Variants in PIBF1 observed in about 807,000 individuals in gnomAD.
PIBF1 encodes progesterone immunomodulatory binding factor 1.
In PIBF1, 90 loss-of-function variants were observed where a neutral mutation model predicts 112.5. That is an observed-to-expected ratio of 0.80 (90% CI 0.67 to 0.95). The LOEUF is 0.95. Ranked by LOEUF, PIBF1 falls within the 40% of genes least tolerant of loss-of-function variation. The probability of loss-of-function intolerance (pLI) is 0.00; values close to 1 mark genes in which losing one functional copy is unlikely to be tolerated. For synonymous variants in PIBF1, 301 were observed against 288.6 expected, an observed-to-expected ratio of 1.04 and a Z score of -0.44; for missense variants, 915 against 852.3, an observed-to-expected ratio of 1.07 and a Z score of -0.92.
intron 13 of PIBF1, among the ~76,000 whole-genome samples, chr13:72,921,631 A>C (rs2041296202): frequency 6.6e-6 from 1 of 152,120 alleles, no homozygotes; most frequent in East Asian, 1.9e-4. Context: ...CCAAAACGTT[A>C]ATTTTTAGTA....
At chr13:72,812,984 T>G (rs1298900686) in intron 5 of PIBF1, among the ~76,000 whole-genome samples, 1 of 151,750 alleles carries the variant, frequency 6.6e-6, no homozygotes, top group Non-Finnish European at 1.5e-5. Flanking sequence ...AAGAAAGAAA[T>G]AGCCATCAAC....
intron 13 of PIBF1, among the ~76,000 whole-genome samples, chr13:72,922,135 A>AATTTTTTTATTTTTT (rs2041319592): frequency 6.6e-6 from 1 of 151,768 alleles, no homozygotes; most frequent in African/African-American, 2.4e-5. Flanking sequence ...GTACCTGGCT[A>AATTTTTTTATTTTTT]ATTTTTTTAT....
At chr13:72,934,592 T>G (rs2186158) in intron 14 of PIBF1, among the ~76,000 whole-genome samples, 33,012 of 152,120 alleles carry the variant, frequency 0.22, 3,682 homozygotes, top group Middle Eastern at 0.27. Flanking sequence ...GATGAAATAC[T>G]GATAACTAAT....
At chr13:72,796,540 G>T (rs1197382806) in intron 4 of PIBF1, among the ~76,000 whole-genome samples, 1 of 151,982 alleles carries the variant, frequency 6.6e-6, no homozygotes, top group African/African-American at 2.4e-5. Context: ...ACATAAAAAT[G>T]TTGTCTATTG....
chr13:73,008,989 A>G (rs1372899104), intron 17 of PIBF1, among the ~76,000 whole-genome samples: 3 of 152,174 alleles, frequency 2.0e-5, no homozygotes, highest in Non-Finnish European at 4.4e-5. Context: ...GCCTGGAGAT[A>G]ACTATTTCAG....
Position 72,987,837 on chromosome 13 carries a change from AATTTATTTATTTATTT to A in PIBF1, c.2050-10976_2050-10961del, listed in dbSNP as rs1228971710. Reference sequence around the variant, plus strand: ...TTCTTGAGTTTTTTTTATTTTTTGTAATTTATTTATTTATTTATTTATTTTTTTTTTTTTTTTTTTT... The same window carrying A: ...TTCTTGAGTTTTTTTTATTTTTTGTAATTTATTTTTTTTTTTTTTTTTTTT... On this transcript the variant is annotated intron_variant, in intron 16 of 17. Transcript: ENST00000326291. 7.2e-3 allele frequency among the ~76,000 whole-genome samples: 730 copies of A among 101,760 alleles called. 22 individuals carry two copies. Among genetic ancestry groups the A allele is most frequent in the Middle Eastern group, 0.013 (2 of 156 alleles). 66.8% of individuals were successfully genotyped at this position (101,760 alleles called of 152,430 possible).
intron 5 of PIBF1, among the ~76,000 whole-genome samples, chr13:72,817,581 C>A (rs1388410428): frequency 1.3e-5 from 2 of 152,112 alleles, no homozygotes; most frequent in African/African-American, 4.8e-5. Context: ...TTAGAGTTTT[C>A]CTTATGATGT....
At chr13:72,878,993 A>G (rs922544536) in intron 10 of PIBF1, among the ~76,000 whole-genome samples, 2 of 152,110 alleles carry the variant, frequency 1.3e-5, no homozygotes, top group Non-Finnish European at 2.9e-5. Context: ...ATCTGTATGT[A>G]TCTTTATATT....
At chr13:72,980,196 A>G (rs1456784112) in intron 16 of PIBF1, among the ~76,000 whole-genome samples, 4 of 152,234 alleles carry the variant, frequency 2.6e-5, no homozygotes, top group African/African-American at 7.2e-5. Flanking sequence ...GAAAGTCACA[A>G]CATAAAGATG....
At chr13:72,904,344 A>T (rs995193944) in intron 11 of PIBF1, among the ~76,000 whole-genome samples, 2 of 151,598 alleles carry the variant, frequency 1.3e-5, no homozygotes, top group African/African-American at 4.8e-5. Flanking sequence ...GTTACAGGAT[A>T]AATATCATAA....
intron 2 of PIBF1, among the ~76,000 whole-genome samples, chr13:72,784,753 A>G (rs925262489): frequency 3.3e-5 from 5 of 152,132 alleles, no homozygotes; most frequent in South Asian, 2.1e-4. Flanking sequence ...GTGAGACCCT[A>G]TCTCAAAAAA....
In PIBF1 at chr13:72,795,673, G is replaced by A. The variant is rs534953086; in HGVS notation, c.552+116G>A. The A allele has an allele frequency of 1.0e-5, 7 of 669,120 alleles. No homozygotes were observed. In the African/African-American group the frequency reaches 1.3e-4, roughly 12 times the overall value. 41.4% of individuals were successfully genotyped at this position (669,120 alleles called of 1,614,324 possible). ...AATTGATACATTATTTTATGGCTAT[G>A]GATGGTGAATGGTGTTGAGATCCAA... On this transcript the variant is annotated intron_variant, in intron 4 of 17. Coordinates refer to ENST00000326291, the MANE Select transcript of PIBF1 (RefSeq NM_006346.4).
chr13:72,966,589 C>A (rs889233241), intron 15 of PIBF1, among the ~76,000 whole-genome samples: 10 of 152,122 alleles, frequency 6.6e-5, no homozygotes, highest in Non-Finnish European at 1.5e-5. Flanking sequence ...ATTTTTTCCT[C>A]CTATGTTACA....
intron 14 of PIBF1, among the ~76,000 whole-genome samples, chr13:72,963,080 A>G (rs1440937553): frequency 5.9e-5 from 9 of 152,190 alleles, no homozygotes; most frequent in Admixed American, 2.0e-4. Flanking sequence ...CTGAGTATCT[A>G]CATGCAAAAG....
intron 13 of PIBF1, among the ~76,000 whole-genome samples, chr13:72,930,566 T>A (rs1238223897): frequency 6.6e-6 from 1 of 152,180 alleles, no homozygotes; most frequent in African/African-American, 2.4e-5. Context: ...TAAAGGTCAG[T>A]GCAATAAGTT....
intron 12 of PIBF1, among the ~76,000 whole-genome samples, chr13:72,914,946 C>T (rs2138684763): frequency 6.6e-6 from 1 of 152,172 alleles, no homozygotes; most frequent in African/African-American, 2.4e-5. Flanking sequence ...TGTACAGTTG[C>T]TCTCTCTATT....
chr13:72,848,078 G>A (rs531660103), intron 9 of PIBF1, among the ~76,000 whole-genome samples: 5 of 152,116 alleles, frequency 3.3e-5, no homozygotes, highest in Non-Finnish European at 5.9e-5. Flanking sequence ...GCTTAGTTGC[G>A]CCTGCTGAGC....
At chr13:72,941,230 C>T (rs1275637741) in intron 14 of PIBF1, among the ~76,000 whole-genome samples, 1 of 152,152 alleles carries the variant, frequency 6.6e-6, no homozygotes, top group Non-Finnish European at 1.5e-5. Context: ...TCCAGTATAA[C>T]AGAGAAAACA....
At chr13:72,849,164 A>C (rs2038015203) in intron 9 of PIBF1, among the ~76,000 whole-genome samples, 1 of 152,238 alleles carries the variant, frequency 6.6e-6, no homozygotes, top group Non-Finnish European at 1.5e-5. Flanking sequence ...TATGGGAGAT[A>C]CATAGAATTG....
Sources: allele counts gnomAD v4.1 joint callset (sites outside exome capture counted in the v4.1 genomes callset), GRCh38; gene constraint gnomAD v4.1.1; transcripts MANE v1.5; gene names NCBI Gene and HGNC (gene_info 2026-07-23, HGNC 2026-07-21).